The following TANGO6 variants were observed in gnomAD, a reference collection of about 807,000 sequenced individuals.
The protein encoded by TANGO6 is transport and golgi organization 6 homolog.
TANGO6 carries 90 observed loss-of-function variants against 114.2 expected under a neutral mutation model. That is an observed-to-expected ratio of 0.79 (90% CI 0.66 to 0.94). TANGO6 has a LOEUF of 0.94. Among genes scored for constraint, TANGO6 ranks in the 40% least tolerant of loss-of-function variants. TANGO6 has a pLI of 0.00. For synonymous variants in TANGO6, 477 were observed against 509.8 expected (o/e 0.94, Z 0.87); for missense variants, 1,274 against 1,315.3 (o/e 0.97, Z 0.49).
chr16:68,873,920 A>G (rs1228036801), intron 4 of TANGO6, among the ~76,000 whole-genome samples: 1 of 152,182 alleles, frequency 6.6e-6, no homozygotes, highest in East Asian at 1.9e-4. Context: ...AGTGTGTTGT[A>G]CTAAGTGTAA....
At chr16:69,028,990 A>T (rs1046370278) in intron 16 of TANGO6, among the ~76,000 whole-genome samples, 7 of 152,250 alleles carry the variant, frequency 4.6e-5, no homozygotes, top group African/African-American at 1.7e-4. Context: ...AACCTGAACA[A>T]TACCTGAATA....
At chr16:68,979,382 A>G (rs1225278407) in intron 15 of TANGO6, among the ~76,000 whole-genome samples, 2 of 152,036 alleles carry the variant, frequency 1.3e-5, no homozygotes, top group African/African-American at 4.8e-5. Flanking sequence ...GGCGCGTGCC[A>G]CTGCGTCCAA....
chr16:69,024,230 G>A (rs548194897), intron 16 of TANGO6, among the ~76,000 whole-genome samples: 7 of 150,124 alleles, frequency 4.7e-5, no homozygotes, highest in Middle Eastern at 3.5e-3. Context: ...TGAAATGTGC[G>A]TCTTGCCCCT....
chr16:69,055,161 G>A (rs993354682), intron 17 of TANGO6, among the ~76,000 whole-genome samples: 10 of 152,082 alleles, frequency 6.6e-5, no homozygotes, highest in African/African-American at 2.4e-4. Context: ...GGTATGAAGG[G>A]GCTGTGTGAC....
intron 15 of TANGO6, among the ~76,000 whole-genome samples, chr16:68,990,180 G>A (rs1267621786): frequency 6.6e-6 from 1 of 152,036 alleles, no homozygotes; most frequent in Non-Finnish European, 1.5e-5. Flanking sequence ...TCACAGGCAT[G>A]CACCATTACA....
chr16:68,979,819 CA>C (rs1354621560), intron 15 of TANGO6, among the ~76,000 whole-genome samples: 1 of 149,202 alleles, frequency 6.7e-6, no homozygotes, highest in African/African-American at 2.5e-5. Context: ...GTTGTTTTTT[CA>C]TTAGGGTATC....
intron 9 of TANGO6, 126 bp from the exon 10 acceptor site, chr16:68,907,317 T>G: frequency 9.5e-7 from 1 of 1,054,370 alleles, no homozygotes; most frequent in Non-Finnish European, 1.3e-6. Context: ...GTTAAATAAA[T>G]TTGGGGGATC....
At chr16:69,060,411 C>T (rs1960096195) in intron 17 of TANGO6, among the ~76,000 whole-genome samples, 1 of 152,094 alleles carries the variant, frequency 6.6e-6, no homozygotes, top group South Asian at 2.1e-4. Flanking sequence ...GCCTGGGCAA[C>T]ATAGCGAGGC....
Position 68,890,531 on chromosome 16 carries a change from T to C in TANGO6, c.1377+9901T>C, listed in dbSNP as rs549589343. On this transcript the variant is annotated intron_variant, in intron 7 of 17. Coordinates refer to ENST00000261778, the MANE Select transcript of TANGO6 (RefSeq NM_024562.2). Reference sequence around the variant, plus strand: ...GACTTCCCTGTGCTCTTTCAGCTACTCTGCAGTAGTCTCTAAGGGACATGC... The same window carrying C: ...GACTTCCCTGTGCTCTTTCAGCTACCCTGCAGTAGTCTCTAAGGGACATGC... Among the ~76,000 whole-genome samples the C allele has an allele frequency of 5.9e-5, 9 of 152,366 alleles. No homozygotes were observed. The South Asian group carries it at 1.7e-3, about 28-fold the overall frequency.
chr16:68,911,668 C>T (rs933923552), intron 11 of TANGO6, among the ~76,000 whole-genome samples: 1 of 152,118 alleles, frequency 6.6e-6, no homozygotes, highest in African/African-American at 2.4e-5. Flanking sequence ...CCACCTGTCT[C>T]GGCCCAAAGT....
Position 68,860,496 on chromosome 16 carries a change from A to G in TANGO6, c.707A>G (p.Lys236Arg). ...TGCCAACTGGGATTCTGCCCAACCA[A>G]AAGAAAACTGCTAACACCTGCAGAA... ...GLCQLGFCPT[K>R]RKLLTPAEEV... Residue 236 changes from lysine to arginine, a missense_variant, in exon 2 of 18, where the codon AAA becomes AGA. Transcript: ENST00000261778. 2 of 1,613,716 alleles carry G rather than the reference A, an allele frequency of 1.2e-6. No individual in the cohort carries two copies. Among genetic ancestry groups the G allele is most frequent in the Non-Finnish European group, 8.5e-7 (1 of 1,179,792 alleles).
chr16:68,916,510 G>A (rs1363012429), intron 11 of TANGO6, among the ~76,000 whole-genome samples: 4 of 125,802 alleles, frequency 3.2e-5, no homozygotes, highest in African/African-American at 8.9e-5. Context: ...CCATGAAACC[G>A]GTCCCTGGTG....
At chr16:68,991,509 T>G (rs1049425579) in intron 15 of TANGO6, among the ~76,000 whole-genome samples, 5 of 152,102 alleles carry the variant, frequency 3.3e-5, no homozygotes, top group Admixed American at 6.6e-5. Context: ...GGTGTGGTGG[T>G]GCACTCCTGT....
At chr16:69,067,603 A>G (rs917134153) in intron 17 of TANGO6, among the ~76,000 whole-genome samples, 8 of 149,810 alleles carry the variant, frequency 5.3e-5, no homozygotes, top group African/African-American at 1.7e-4. Flanking sequence ...GCGGATCATG[A>G]GGTCAGGAGT....
Position 68,927,548 on chromosome 16 carries a change from T to C in TANGO6, c.2128-20T>C. The C allele has an allele frequency of 6.2e-7, 1 of 1,602,284 alleles. No individual in the cohort carries two copies. ...TTGCTATGTTAATTTGGGTTTGACA[T>C]TTTTTATTTCATTTTGTAGTTGAAG... On this transcript the variant is annotated intron_variant, in intron 12 of 17. Transcript: ENST00000261778.
rs1275975874 is a variant in TANGO6 at position 68,919,204 on chromosome 16, A to G, written c.2112A>G (p.Leu704=). Residue 704 remains leucine (L), a synonymous_variant, in exon 12 of 18, where the codon CTA becomes CTG. Transcript: ENST00000261778. ...CCATGGGGCTGGTGGCTGTCATGCTAGGAGGAGCTGTTCAGGTGAGTTGTA... is the reference window on the plus strand; with the variant it reads ...CCATGGGGCTGGTGGCTGTCATGCTGGGAGGAGCTGTTCAGGTGAGTTGTA... The part of the protein sequence containing the change: ...SMSMGLVAVM[L]GGAVQLKSSD... 1.9e-6 allele frequency: 3 copies of G among 1,612,816 alleles called. No homozygotes were observed. Among genetic ancestry groups the G allele is most frequent in the East Asian group, 2.2e-5 (1 of 44,876 alleles).
At chr16:68,875,418 C>A (rs1325694568) in intron 5 of TANGO6, 128 bp downstream of exon 5, 6 of 1,148,878 alleles carry the variant, frequency 5.2e-6, no homozygotes, top group South Asian at 2.0e-5. Context: ...TAGTGAGGAG[C>A]CTTCTTAATA....
intron 15 of TANGO6, among the ~76,000 whole-genome samples, chr16:68,992,199 C>T (rs1314309853): frequency 6.6e-6 from 1 of 152,124 alleles, no homozygotes; most frequent in African/African-American, 2.4e-5. Flanking sequence ...GTGGGACCAT[C>T]TACAGTGGCA....
intron 15 of TANGO6, among the ~76,000 whole-genome samples, chr16:69,021,519 C>T (rs1277738797): frequency 6.6e-6 from 1 of 152,124 alleles, no homozygotes; most frequent in Non-Finnish European, 1.5e-5. Flanking sequence ...ATCTAATTTA[C>T]ACTAGAATAT....
Sources: allele counts gnomAD v4.1 joint callset (sites outside exome capture counted in the v4.1 genomes callset), GRCh38; gene constraint gnomAD v4.1.1; transcripts MANE v1.5; gene names NCBI Gene and HGNC (gene_info 2026-07-23, HGNC 2026-07-21).